EXOC6B: variants seen among roughly 807,000 people sequenced by gnomAD.
EXOC6B encodes the protein exocyst complex component 6B.
EXOC6B carries 54 observed loss-of-function variants against 113.5 expected under a neutral mutation model. The ratio of observed to expected loss-of-function variants is 0.48; its 90% confidence interval spans 0.38 to 0.60. The LOEUF (loss-of-function observed/expected upper bound fraction) is 0.60, where lower values mean the gene tolerates loss of function less well. EXOC6B is among the 20% of genes least tolerant of loss of function. The probability of loss-of-function intolerance (pLI) is 0.00; values close to 1 mark genes in which losing one functional copy is unlikely to be tolerated. For synonymous variants in EXOC6B, 357 were observed against 339.0 expected (o/e 1.05, Z -0.58); for missense variants, 797 against 977.5 (o/e 0.82, Z 2.46).
chr2:72,372,611 C>T (rs1165585805), intron 19 of EXOC6B, among the ~76,000 whole-genome samples: 8 of 151,860 alleles, frequency 5.3e-5, no homozygotes, highest in Non-Finnish European at 7.4e-5. Flanking sequence ...TTTGGGAGGC[C>T]GAGGTGGGAG....
intron 6 of EXOC6B, among the ~76,000 whole-genome samples, chr2:72,580,103 T>TTA (rs1195471443): frequency 2.0e-5 from 3 of 151,596 alleles, no homozygotes; most frequent in Non-Finnish European, 4.4e-5. Context: ...AAAGCAAGCT[T>TTA]TACCTATCTT....
At chr2:72,589,814 T>C (rs1227162204) in intron 6 of EXOC6B, among the ~76,000 whole-genome samples, 3 of 151,460 alleles carry the variant, frequency 2.0e-5, no homozygotes, top group Admixed American at 2.0e-4. Flanking sequence ...ATAACTTAGT[T>C]GACATGGCAT....
intron 17 of EXOC6B, among the ~76,000 whole-genome samples, 173 bp downstream of exon 17, chr2:72,480,443 G>T (rs189157836): frequency 6.6e-6 from 1 of 152,060 alleles, no homozygotes; most frequent in Non-Finnish European, 1.5e-5. Flanking sequence ...CCAAAAACTC[G>T]CACTGGTATT....
intron 18 of EXOC6B, among the ~76,000 whole-genome samples, chr2:72,431,271 C>A (rs920110061): frequency 6.6e-6 from 1 of 152,072 alleles, no homozygotes; most frequent in African/African-American, 2.4e-5. Context: ...CATAACTTGG[C>A]TTCAAATAAG....
intron 1 of EXOC6B, among the ~76,000 whole-genome samples, chr2:72,784,098 G>A (rs1191404561): frequency 6.6e-6 from 1 of 152,102 alleles, no homozygotes; most frequent in African/African-American, 2.4e-5. Flanking sequence ...GATTAAAGAG[G>A]ATATCCTTTC....
chr2:72,219,319 T>G (rs1680726371), intron 20 of EXOC6B, among the ~76,000 whole-genome samples: 1 of 152,100 alleles, frequency 6.6e-6, no homozygotes, highest in African/African-American at 2.4e-5. Flanking sequence ...TGATCTTCAA[T>G]GATCATTACC....
chr2:72,438,350 C>T (rs1696002617), intron 18 of EXOC6B, among the ~76,000 whole-genome samples: 1 of 151,484 alleles, frequency 6.6e-6, no homozygotes, highest in South Asian at 2.1e-4. Context: ...GTGGCTCACA[C>T]ATCATCCCAG....
At chr2:72,568,700 T>G (rs139020564) in intron 7 of EXOC6B, among the ~76,000 whole-genome samples, 1 of 151,992 alleles carries the variant, frequency 6.6e-6, no homozygotes, top group African/African-American at 2.4e-5. Flanking sequence ...AAAAGAAAAT[T>G]TTTAAAAGAC....
chr2:72,660,031 A>C (rs1674889196), intron 6 of EXOC6B, among the ~76,000 whole-genome samples: 1 of 152,076 alleles, frequency 6.6e-6, no homozygotes, highest in South Asian at 2.1e-4. Context: ...TCACAGCATA[A>C]ACTGGTATGA....
chr2:72,510,713 T>C (rs1342712212), intron 11 of EXOC6B, among the ~76,000 whole-genome samples: 1 of 151,726 alleles, frequency 6.6e-6, no homozygotes, highest in African/African-American at 2.4e-5. Flanking sequence ...TAAAATGTTC[T>C]TAATAATCAA....
intron 1 of EXOC6B, among the ~76,000 whole-genome samples, chr2:72,796,247 G>C (rs897583255): frequency 4.0e-5 from 6 of 151,420 alleles, no homozygotes; most frequent in African/African-American, 1.5e-4. Context: ...GAGGTCACGA[G>C]TTCAAGACCA....
At chr2:72,713,296 C>A (rs1679386526) in intron 6 of EXOC6B, among the ~76,000 whole-genome samples, 1 of 152,050 alleles carries the variant, frequency 6.6e-6, no homozygotes, top group Non-Finnish European at 1.5e-5. Context: ...GAGCCCAGAC[C>A]AACTGTCAAT....
At chr2:72,324,841 T>C (rs1245887712) in intron 20 of EXOC6B, among the ~76,000 whole-genome samples, 1 of 152,062 alleles carries the variant, frequency 6.6e-6, no homozygotes, top group African/African-American at 2.4e-5. Context: ...TAGAACTTAA[T>C]AGACCGAGGC....
At chr2:72,755,906 T>A (rs1682383890) in intron 1 of EXOC6B, among the ~76,000 whole-genome samples, 2 of 152,196 alleles carry the variant, frequency 1.3e-5, no homozygotes, top group Non-Finnish European at 2.9e-5. Flanking sequence ...CTGAGCAGCC[T>A]GGAGCCATTT....
At chr2:72,695,727 C>T (rs1323478561) in intron 6 of EXOC6B, among the ~76,000 whole-genome samples, 1 of 152,046 alleles carries the variant, frequency 6.6e-6, no homozygotes, top group Non-Finnish European at 1.5e-5. Flanking sequence ...GAATATTGTA[C>T]CTCTTCCACA....
At chr2:72,525,686 T>G (rs1413996267) in intron 8 of EXOC6B, among the ~76,000 whole-genome samples, 5 of 152,162 alleles carry the variant, frequency 3.3e-5, no homozygotes, top group Non-Finnish European at 7.4e-5. Flanking sequence ...GACAAGAACA[T>G]TTTTAATATA....
rs143004064 is a variant in EXOC6B at position 72,546,671 on chromosome 2, C to A, written c.915+12782G>T. 1.5e-3 allele frequency among the ~76,000 whole-genome samples: 235 copies of A among 152,216 alleles called. 1 individual carries two copies. The highest frequency in any genetic ancestry group is 5.4e-3 in the African/African-American group (225 of 41,544). On this transcript the variant is annotated intron_variant, in intron 8 of 21. Transcript: ENST00000272427. The stretch of plus-strand genomic sequence containing the variant: ...CCTTTAAGCAGAAGAATTCAGGAGA[C>A]AAAACTATTAGTTTAACTGGTGAGG...
chr2:72,471,900 A>G (rs1334957940), intron 17 of EXOC6B, among the ~76,000 whole-genome samples: 2 of 152,088 alleles, frequency 1.3e-5, no homozygotes, highest in Non-Finnish European at 2.9e-5. Flanking sequence ...TGTTCCTTCT[A>G]TATTTGGCTT....
At chr2:72,242,314 T>C (rs1682366811) in intron 20 of EXOC6B, among the ~76,000 whole-genome samples, 1 of 152,188 alleles carries the variant, frequency 6.6e-6, no homozygotes. Flanking sequence ...TCAGCAACTA[T>C]AGTTATGAAT....
Sources: allele counts gnomAD v4.1 joint callset (sites outside exome capture counted in the v4.1 genomes callset), GRCh38; gene constraint gnomAD v4.1.1; transcripts MANE v1.5; gene names NCBI Gene and HGNC (gene_info 2026-07-23, HGNC 2026-07-21).